Variants in WDFY3 observed in about 807,000 individuals in gnomAD.
The protein encoded by WDFY3 is WD repeat and FYVE domain-containing protein 3.
WDFY3 carries 66 observed loss-of-function variants against 409.6 expected under a neutral mutation model. That is an observed-to-expected ratio of 0.16 (90% CI 0.13 to 0.20). WDFY3 has a LOEUF of 0.20. Ranked by LOEUF, WDFY3 falls within the 10% of genes least tolerant of loss-of-function variation. The pLI, the probability that WDFY3 is intolerant of heterozygous loss-of-function variation, is 1.00. For synonymous variants in WDFY3, 1,521 were observed against 1,537.1 expected (o/e 0.99, Z 0.25); for missense variants, 3,031 against 4,298.1 (o/e 0.71, Z 8.24).
intron 46 of WDFY3, among the ~76,000 whole-genome samples, chr4:84,723,283 A>G (rs530182756): frequency 1.3e-5 from 2 of 152,370 alleles, no homozygotes; most frequent in African/African-American, 4.8e-5. Context: ...ATCACATGAG[A>G]GAACAGGTAT....
intron 32 of WDFY3, among the ~76,000 whole-genome samples, chr4:84,764,657 C>T (rs1249377541): frequency 1.3e-5 from 2 of 151,466 alleles, no homozygotes; most frequent in African/African-American, 2.4e-5. Flanking sequence ...GTCAGGAGAT[C>T]GAGACCATCC....
intron 9 of WDFY3, 60 bp from the exon 10 acceptor site, chr4:84,827,041 C>T (rs1366634922): frequency 3.6e-5 from 56 of 1,550,826 alleles, no homozygotes; most frequent in Non-Finnish European, 4.3e-5. Context: ...TCAGATTTAA[C>T]ACAAAGTATT....
intron 25 of WDFY3, among the ~76,000 whole-genome samples, chr4:84,780,614 A>G (rs1265581664): frequency 6.6e-6 from 1 of 151,932 alleles, no homozygotes; most frequent in Non-Finnish European, 1.5e-5. Context: ...AAATACAAAA[A>G]TTAGCCGGGC....
intron 41 of WDFY3, 140 bp downstream of exon 41, chr4:84,737,044 T>C (rs1737566371): frequency 7.9e-6 from 7 of 880,972 alleles, no homozygotes; most frequent in Non-Finnish European, 1.2e-5. Flanking sequence ...AGTATAATCA[T>C]TCTAGAATGG....
At chr4:84,767,703 A>G (rs1397409034) in intron 30 of WDFY3, among the ~76,000 whole-genome samples, 3 of 152,210 alleles carry the variant, frequency 2.0e-5, no homozygotes, top group Non-Finnish European at 1.5e-5. Flanking sequence ...AATCATCTAC[A>G]ACATTCCCTT....
chr4:84,825,205 T>C (rs1754676464), intron 10 of WDFY3, among the ~76,000 whole-genome samples: 1 of 152,126 alleles, frequency 6.6e-6, no homozygotes, highest in East Asian at 1.9e-4. Context: ...TATGCCAATA[T>C]CAACATCACA....
chr4:84,768,274 C>T lies in WDFY3; in HGVS notation c.4850-1902G>A, dbSNP rs531871305. On this transcript the variant is annotated intron_variant, in intron 30 of 67. Coordinates refer to ENST00000295888, the MANE Select transcript of WDFY3 (RefSeq NM_014991.6). ...TAATGAAAGTGACTACGCTAAACAACGGATTTCTCCAACAGACTTCTCAAC... is the reference window on the plus strand; with the variant it reads ...TAATGAAAGTGACTACGCTAAACAATGGATTTCTCCAACAGACTTCTCAAC... Among the ~76,000 whole-genome samples the T allele has an allele frequency of 5.3e-5, 8 of 152,320 alleles. No individual in the cohort carries two copies. In the East Asian group the frequency reaches 1.5e-3, roughly 29 times the overall value.
intron 1 of WDFY3, among the ~76,000 whole-genome samples, chr4:84,940,339 TG>T (rs1459048749): frequency 6.6e-6 from 1 of 152,122 alleles, no homozygotes; most frequent in Non-Finnish European, 1.5e-5. Flanking sequence ...GTTCCCTCAA[TG>T]GGGGTACAAT....
intron 64 of WDFY3, among the ~76,000 whole-genome samples, chr4:84,679,821 C>CATATAT (rs370117920): frequency 7.6e-5 from 11 of 144,062 alleles, no homozygotes; most frequent in African/African-American, 2.6e-4. Context: ...GGATATTCTT[C>CATATAT]ATATATATAT....
intron 34 of WDFY3, among the ~76,000 whole-genome samples, chr4:84,754,537 T>C (rs1036751574): frequency 2.0e-5 from 3 of 152,192 alleles, no homozygotes; most frequent in Admixed American, 6.5e-5. Flanking sequence ...GTCAGGTACA[T>C]GTAATTCAAG....
intron 10 of WDFY3, among the ~76,000 whole-genome samples, chr4:84,824,220 A>G (rs539507650): frequency 1.3e-5 from 2 of 152,334 alleles, no homozygotes; most frequent in East Asian, 3.9e-4. Context: ...ATTACATACA[A>G]TAAGATATTC....
At chr4:84,953,866 T>C (rs1441192645) in intron 1 of WDFY3, among the ~76,000 whole-genome samples, 1 of 152,136 alleles carries the variant, frequency 6.6e-6, no homozygotes, top group Non-Finnish European at 1.5e-5. Flanking sequence ...ATCCCCCTGA[T>C]ATGCAGATCA....
At chr4:84,737,924 T>C (rs929784022) in intron 40 of WDFY3, among the ~76,000 whole-genome samples, 1 of 151,946 alleles carries the variant, frequency 6.6e-6, no homozygotes, top group Admixed American at 6.5e-5. Context: ...TAGGTCAGAG[T>C]AGGGCAACAG....
chr4:84,727,358 C>T (rs1166906109), intron 44 of WDFY3, among the ~76,000 whole-genome samples: 6 of 152,040 alleles, frequency 3.9e-5, no homozygotes, highest in South Asian at 2.1e-4. Flanking sequence ...CAGGGGCAAA[C>T]GGCTGATTTA....
intron 1 of WDFY3, among the ~76,000 whole-genome samples, chr4:84,957,892 A>C (rs558902002): frequency 4.8e-4 from 73 of 152,354 alleles, no homozygotes; most frequent in South Asian, 8.3e-4. Flanking sequence ...GCCAAGTAAT[A>C]AATTAACCTG....
intron 22 of WDFY3, among the ~76,000 whole-genome samples, chr4:84,788,796 G>C (rs1188381157): frequency 6.6e-6 from 1 of 152,150 alleles, no homozygotes; most frequent in Non-Finnish European, 1.5e-5. Flanking sequence ...GAGGCATGAG[G>C]ATCACCTGAG....
chr4:84,896,040 G>C (rs181986704), intron 3 of WDFY3, among the ~76,000 whole-genome samples: 51 of 152,056 alleles, frequency 3.4e-4, no homozygotes, highest in East Asian at 2.1e-3. Flanking sequence ...GACGGATCAC[G>C]AGGTCAAGAG....
rs144276643 is a variant in WDFY3, at chr4:84,699,475, G to A, written c.8597-2652C>T. 5.4e-3 allele frequency among the ~76,000 whole-genome samples: 819 copies of A among 152,134 alleles called. 8 individuals carry two copies. Among genetic ancestry groups the A allele is most frequent in the Non-Finnish European group, 8.1e-3 (549 of 67,992 alleles). ...CCACTCATCACTTGATAGACATCTG[G>A]GCTGTTTCTGCCATTCGGTTATTGT... On this transcript the variant is annotated intron_variant, in intron 56 of 67. Coordinates refer to ENST00000295888, the MANE Select transcript of WDFY3 (RefSeq NM_014991.6).
chr4:84,755,970 A>C (rs1298978336), intron 33 of WDFY3, among the ~76,000 whole-genome samples: 1 of 152,208 alleles, frequency 6.6e-6, no homozygotes, highest in African/African-American at 2.4e-5. Flanking sequence ...CACAGACTCA[A>C]GTGTTTACAC....
Sources: gnomAD v4.1 joint callset for allele counts (sites outside exome capture counted in the v4.1 genomes callset) on GRCh38, gnomAD v4.1.1 for gene constraint, MANE v1.5 for transcripts, NCBI Gene and HGNC (gene_info 2026-07-23, HGNC 2026-07-21) for gene names.